The following MCF2L2 variants were observed in gnomAD, a reference collection of about 807,000 sequenced individuals.
MCF2L2 encodes the protein MCF.2 cell line derived transforming sequence-like 2.
MCF2L2 carries 102 observed loss-of-function variants against 150.2 expected under a neutral mutation model. That is an observed-to-expected ratio of 0.68 (90% CI 0.58 to 0.80). MCF2L2 has a LOEUF of 0.80. Among genes scored for constraint, MCF2L2 ranks in the 30% least tolerant of loss-of-function variants. The pLI is 0.00. For missense variants in MCF2L2, 1,256 were observed against 1,372.8 expected (o/e 0.91, Z 1.34); for synonymous variants, 465 against 491.3 (o/e 0.95, Z 0.71).
Position 183,428,272 on chromosome 3 carries a change from CCCGGCTCCT to C in MCF2L2, c.-304_-296del. On this transcript the variant is annotated 5_prime_UTR_variant, in exon 1 of 30. Coordinates refer to ENST00000328913, the MANE Select transcript of MCF2L2 (RefSeq NM_015078.4). This position sits in a 1 kb window ranked among gnomAD's most constrained non-coding sequence, Gnocchi z 5.1. ...GTCGCCAATCTCGCCGGAACCGCGC[CCCGGCTCCT>C]CCGGCCGGGCGAGCTCCGGGGCTTC... is the stretch of plus-strand genomic sequence containing the variant. 2.8e-6 allele frequency: 1 copy of C among 353,838 alleles called. No homozygotes were observed. The highest frequency in any genetic ancestry group is 5.1e-6 in the Non-Finnish European group (1 of 195,288). The allele number at this position is 353,838 out of a possible 1,614,324, so 21.9% of individuals were successfully genotyped here. A position where few individuals can be genotyped will look rare whatever the true frequency, so the allele number is the denominator to read the frequency against.
chr3:183,321,705 T>C (rs1031641015), intron 6 of MCF2L2, among the ~76,000 whole-genome samples: 3 of 152,194 alleles, frequency 2.0e-5, no homozygotes, highest in African/African-American at 7.2e-5. Flanking sequence ...TATATACATG[T>C]AAAAGGCATG....
At chr3:183,254,796 A>G (rs1724885923) in intron 15 of MCF2L2, 1 of 152,238 alleles carries the variant, frequency 6.6e-6, no homozygotes, top group South Asian at 2.1e-4. Context: ...GGGGACAGGG[A>G]AGTGGGCAGG....
intron 15 of MCF2L2, among the ~76,000 whole-genome samples, chr3:183,258,648 C>CT (rs1174284066): frequency 6.6e-6 from 1 of 152,196 alleles, no homozygotes; most frequent in Non-Finnish European, 1.5e-5. Flanking sequence ...ACCACCCCCC[C>CT]GCCCCTGATA....
At chr3:183,364,384 G>A (rs1388621742) in intron 3 of MCF2L2, among the ~76,000 whole-genome samples, 5 of 152,020 alleles carry the variant, frequency 3.3e-5, no homozygotes, top group African/African-American at 9.7e-5. Flanking sequence ...GCTGGGCATG[G>A]TGGTGGGTGC....
intron 15 of MCF2L2, among the ~76,000 whole-genome samples, chr3:183,274,766 G>A (rs1727060080): frequency 6.6e-6 from 1 of 152,098 alleles, no homozygotes; most frequent in East Asian, 1.9e-4. Context: ...AGGAATATTC[G>A]ATGTCTCTTT....
chr3:183,292,575 ACACACACACACACATG>A (rs1201603540), intron 13 of MCF2L2, among the ~76,000 whole-genome samples: 6 of 151,914 alleles, frequency 3.9e-5, no homozygotes, highest in Non-Finnish European at 8.8e-5. Context: ...ACACACACAC[ACACACACACACACATG>A]CACACACACA....
rs1716278741 is a variant in MCF2L2, at chr3:183,428,320, C to T, written c.-343G>A. The T allele has an allele frequency of 1.0e-5, 3 of 295,924 alleles. No homozygotes were observed. In the South Asian group the frequency reaches 1.1e-4, roughly 11 times the overall value. 18.3% of individuals were successfully genotyped at this position (295,924 alleles called of 1,614,324 possible). A position where few individuals can be genotyped will look rare whatever the true frequency, so the allele number is the denominator to read the frequency against. Reference sequence around the variant, plus strand: ...CTCCGGGGCTTCCAGAATCGCGGTCCCGGCCGCCAGGTTTCCGGCGCCGCC... The same window carrying T: ...CTCCGGGGCTTCCAGAATCGCGGTCTCGGCCGCCAGGTTTCCGGCGCCGCC... On this transcript the variant is annotated 5_prime_UTR_variant, in exon 1 of 30. Coordinates refer to ENST00000328913, the MANE Select transcript of MCF2L2 (RefSeq NM_015078.4). The surrounding 1 kb of genome is among the most constrained non-coding windows in gnomAD (Gnocchi z 5.1).
chr3:183,362,726 A>G (rs968731224), intron 3 of MCF2L2, among the ~76,000 whole-genome samples: 4 of 152,166 alleles, frequency 2.6e-5, no homozygotes, highest in Non-Finnish European at 5.9e-5. Flanking sequence ...TATATCTTGA[A>G]CTAGAAATCT....
intron 2 of MCF2L2, among the ~76,000 whole-genome samples, chr3:183,385,765 G>C (rs1205072073): frequency 6.6e-6 from 1 of 152,210 alleles, no homozygotes; most frequent in Non-Finnish European, 1.5e-5. Flanking sequence ...GTGGCAGTTA[G>C]AAAGCTAAAT....
intron 18 of MCF2L2, chr3:183,224,804 T>A (rs368813278): frequency 1.3e-5 from 2 of 152,420 alleles, no homozygotes; most frequent in African/African-American, 4.8e-5. Context: ...AGACAGGAAA[T>A]GTTATGTGAC....
At chr3:183,329,265 C>T (rs577236387) in intron 5 of MCF2L2, among the ~76,000 whole-genome samples, 63 of 152,272 alleles carry the variant, frequency 4.1e-4, no homozygotes, top group Admixed American at 1.8e-3. Context: ...GGCATGATCT[C>T]GGCTCACTGC....
intron 15 of MCF2L2, chr3:183,231,248 C>T: frequency 1.6e-6 from 1 of 634,114 alleles, no homozygotes. Flanking sequence ...TTAGAGAACT[C>T]AAAATCCTTT....
intron 3 of MCF2L2, among the ~76,000 whole-genome samples, chr3:183,356,512 A>AAAAT (rs911604393): frequency 3.9e-5 from 6 of 152,148 alleles, no homozygotes; most frequent in African/African-American, 9.7e-5. Context: ...ACTCCGTCTC[A>AAAAT]AAATAAATAA....
chr3:183,221,472 A>C (rs1175218158), intron 20 of MCF2L2, among the ~76,000 whole-genome samples: 1 of 152,194 alleles, frequency 6.6e-6, no homozygotes, highest in Non-Finnish European at 1.5e-5. Flanking sequence ...ATTCAGACCC[A>C]GGTTGTTAAA....
At chr3:183,224,072 G>GAAGA (rs1723257013) in intron 19 of MCF2L2, 26 bp downstream of exon 19, 1 of 1,566,154 alleles carries the variant, frequency 6.4e-7, no homozygotes, top group East Asian at 2.2e-5. Context: ...CATTTTCCAG[G>GAAGA]AAGAAGTTTG....
intron 14 of MCF2L2, among the ~76,000 whole-genome samples, chr3:183,288,807 T>C (rs1011282394): frequency 6.6e-6 from 1 of 152,300 alleles, no homozygotes; most frequent in East Asian, 1.9e-4. Flanking sequence ...ACATGAACCA[T>C]ACACTGTTCT....
At chr3:183,225,520 A>T (rs965338836) in intron 18 of MCF2L2, 1 of 152,252 alleles carries the variant, frequency 6.6e-6, no homozygotes, top group Non-Finnish European at 1.5e-5. Flanking sequence ...TTGCTACCAG[A>T]AACTCATATT....
chr3:183,347,784 A>G (rs952195083), intron 3 of MCF2L2, among the ~76,000 whole-genome samples: 1 of 152,250 alleles, frequency 6.6e-6, no homozygotes, highest in African/African-American at 2.4e-5. Context: ...TATGTGGCCA[A>G]CAAACATATG....
At chr3:183,280,911 G>A (rs1727437534) in intron 14 of MCF2L2, among the ~76,000 whole-genome samples, 1 of 151,126 alleles carries the variant, frequency 6.6e-6, no homozygotes. Context: ...GTAATTTAAG[G>A]TGAAAGTATT....
Sources: gnomAD v4.1 joint callset for allele counts (sites outside exome capture counted in the v4.1 genomes callset) on GRCh38, gnomAD v4.1.1 for gene constraint, Gnocchi (gnomAD v3.1) non-coding constraint, MANE v1.5 for transcripts, NCBI Gene and HGNC (gene_info 2026-07-23, HGNC 2026-07-21) for gene names.